Variants in NF1 observed in about 807,000 individuals in gnomAD.
The protein encoded by NF1 is neurofibromin.
Under a neutral mutation model 325.7 loss-of-function variants are expected in NF1, and 122 were observed. The ratio of observed to expected loss-of-function variants is 0.37; its 90% CI spans 0.32 to 0.44. NF1 has a LOEUF of 0.44. Among genes scored for constraint, NF1 ranks in the 20% least tolerant of loss-of-function variants. The probability of loss-of-function intolerance (pLI) is 1.00; values close to 1 mark genes in which losing one functional copy is unlikely to be tolerated. For missense variants in NF1, 2,140 were observed against 3,415.4 expected (o/e 0.63, Z 9.31); for synonymous variants, 1,091 against 1,186.0 (o/e 0.92, Z 1.65).
chr17:31,132,887 G>A (rs1464157450), intron 1 of NF1, among the ~76,000 whole-genome samples: 3 of 151,986 alleles, frequency 2.0e-5, no homozygotes, highest in Non-Finnish European at 4.4e-5. Flanking sequence ...GGCTGGTCTC[G>A]AACTCCTGAC....
At chr17:31,172,424 T>C (rs1383885793) in intron 5 of NF1, among the ~76,000 whole-genome samples, 2 of 152,188 alleles carry the variant, frequency 1.3e-5, no homozygotes, top group African/African-American at 4.8e-5. Context: ...TCAATCGATA[T>C]GTGTATATCC....
intron 1 of NF1, chr17:31,095,585 T>G: frequency 3.1e-5 from 15 of 480,996 alleles, no homozygotes; most frequent in Non-Finnish European, 4.1e-5. Flanking sequence ...ACCCTTTCCC[T>G]CCTAAGTCGG....
At chr17:31,351,123 G>A (rs914461731) in intron 50 of NF1, among the ~76,000 whole-genome samples, 2 of 151,876 alleles carry the variant, frequency 1.3e-5, no homozygotes, top group African/African-American at 2.4e-5. Flanking sequence ...TTATAGAAAG[G>A]GTAAAATAGT....
chr17:31,327,404 G>A lies in NF1; in HGVS notation c.5269-95G>A. Reference sequence around the variant, plus strand: ...GGAACTCTTCCTTAAATGGCATAGTGTTTTGTTTGGTTGGTTGGTTTCTGG... The same window carrying A: ...GGAACTCTTCCTTAAATGGCATAGTATTTTGTTTGGTTGGTTGGTTTCTGG... On this transcript the variant is annotated intron_variant, in intron 37 of 57. Transcript: ENST00000358273. The A allele has an allele frequency of 4.7e-6, 4 of 856,292 alleles. No individual in the cohort carries two copies. The South Asian group carries it at 5.7e-5, about 12-fold the overall frequency. 53.0% of individuals were successfully genotyped at this position (856,292 alleles called of 1,614,324 possible). A position where few individuals can be genotyped will look rare whatever the true frequency, so the allele number is the denominator to read the frequency against.
chr17:31,352,283 C>T lies in NF1; in HGVS notation c.7484C>T (p.Ser2495Phe), dbSNP rs757245615. ...ACACTAAAGGAGACTCAGCCATGGT[C>T]CTCTCCCAAAGGTTCTGAAGGATAC... ...YRTLKETQPW[S>F]SPKGSEGYLA... The change falls in exon 51 of 58, where the codon TCC (serine) becomes TTC (phenylalanine). Residue 2495 changes from serine (S) to phenylalanine (F), a missense_variant. Around this residue, in one of 10 missense-constraint regions of NF1, gnomAD observed 522 missense variants for 749.0 expected, o/e 0.70. Coordinates refer to ENST00000358273, the MANE Select transcript of NF1 (RefSeq NM_001042492.3). The T allele has an allele frequency of 8.7e-6, 14 of 1,614,018 alleles. No homozygotes were observed. The highest frequency in any genetic ancestry group is 3.3e-4 in the Middle Eastern group (2 of 6,062).
Position 31,376,121 on chromosome 17 carries a change from C to T in NF1, c.*1966C>T. 4.3e-6 allele frequency: 1 copy of T among 232,960 alleles called. No homozygotes were observed. The highest frequency in any genetic ancestry group is 1.8e-4 in the South Asian group (1 of 5,520). 14.4% of individuals were successfully genotyped at this position (232,960 alleles called of 1,614,324 possible). On this transcript the variant is annotated 3_prime_UTR_variant, in exon 58 of 58. Transcript: ENST00000358273. The stretch of plus-strand genomic sequence containing the variant: ...ACCCAGTGCCAAGGATGCCAAGCTG[C>T]CACCATGGTCTTGGCTCTCCCACAA...
intron 5 of NF1, among the ~76,000 whole-genome samples, chr17:31,179,154 A>T (rs2066079414): frequency 6.6e-6 from 1 of 152,178 alleles, no homozygotes; most frequent in African/African-American, 2.4e-5. Context: ...TGGAAATCAT[A>T]ACAAAGACTC....
chr17:31,175,688 CCCGACAGGCA>C (rs2066010219), intron 5 of NF1, among the ~76,000 whole-genome samples: 1 of 152,050 alleles, frequency 6.6e-6, no homozygotes, highest in Non-Finnish European at 1.5e-5. Flanking sequence ...GCCCCCACCC[CCCGACAGGCA>C]CCGATGCGTG....
intron 13 of NF1, among the ~76,000 whole-genome samples, chr17:31,215,716 T>C (rs1452256116): frequency 1.3e-5 from 2 of 152,252 alleles, no homozygotes; most frequent in African/African-American, 4.8e-5. Flanking sequence ...TTGTTGAGCT[T>C]CTTCAGTCCC....
intron 36 of NF1, chr17:31,296,210 C>G: frequency 6.2e-7 from 1 of 1,614,082 alleles, no homozygotes. Flanking sequence ...TCTGCCTGAA[C>G]AGTCCACATG....
At chr17:31,330,261 C>A (rs201752443) in intron 38 of NF1, 35 bp from the exon 39 acceptor site, 1 of 1,597,152 alleles carries the variant, frequency 6.3e-7, no homozygotes. Flanking sequence ...AGGAAAAATA[C>A]GTTTTAAAAC....
At chr17:31,216,696 A>T (rs1486376118) in intron 13 of NF1, among the ~76,000 whole-genome samples, 1 of 152,098 alleles carries the variant, frequency 6.6e-6, no homozygotes, top group Non-Finnish European at 1.5e-5. Context: ...GCTCTTGCTT[A>T]TGAAGACCAA....
intron 39 of NF1, among the ~76,000 whole-genome samples, chr17:31,333,252 A>G (rs548353601): frequency 2.6e-5 from 4 of 152,240 alleles, no homozygotes; most frequent in Non-Finnish European, 2.9e-5. Flanking sequence ...AAGACTATTC[A>G]TACCTTTTGG....
intron 8 of NF1, among the ~76,000 whole-genome samples, chr17:31,193,398 C>T (rs2066381056): frequency 1.3e-5 from 2 of 152,144 alleles, no homozygotes; most frequent in African/African-American, 4.8e-5. Context: ...TCTCAAACTT[C>T]TGGGCTTATG....
chr17:31,262,383 G>A (rs933728270), intron 35 of NF1, among the ~76,000 whole-genome samples: 17 of 152,272 alleles, frequency 1.1e-4, no homozygotes, highest in African/African-American at 3.6e-4. Flanking sequence ...CATTTAGTGG[G>A]ATTTAGTTTG....
Position 31,344,268 on chromosome 17 carries a change from C to T in NF1, c.7189+1133C>T, listed in dbSNP as rs1355729699. 3.3e-5 allele frequency among the ~76,000 whole-genome samples: 5 copies of T among 152,302 alleles called. No individual in the cohort carries two copies. In the South Asian group the frequency reaches 6.2e-4, roughly 19 times the overall value. On this transcript the variant is annotated intron_variant, in intron 48 of 57. Transcript: ENST00000358273. ...TAGCCAGTGATCTCCAGCTATTCCT[C>T]AGAGCCCGCTCATTCACTTCCTAAC... is the stretch of plus-strand genomic sequence containing the variant.
intron 36 of NF1, among the ~76,000 whole-genome samples, chr17:31,271,817 TCTATCCC>T (rs748079285): frequency 4.0e-5 from 6 of 150,332 alleles, no homozygotes; most frequent in African/African-American, 7.4e-5. Context: ...ACCCCCATCC[TCTATCCC>T]CTATCCCCTA....
At chr17:31,113,823 C>T (rs970775485) in intron 1 of NF1, among the ~76,000 whole-genome samples, 6 of 152,182 alleles carry the variant, frequency 3.9e-5, no homozygotes, top group Admixed American at 2.0e-4. Context: ...ATTTCATCTT[C>T]TTTACAAGAA....
At chr17:31,327,898 C>A (rs1279890437) in intron 38 of NF1, 59 bp downstream of exon 38, 3 of 1,478,818 alleles carry the variant, frequency 2.0e-6, no homozygotes, top group African/African-American at 2.8e-5. Flanking sequence ...TAAAATGAGA[C>A]CATTTAATGA....
Sources: gnomAD v4.1 joint callset for allele counts (sites outside exome capture counted in the v4.1 genomes callset) on GRCh38, gnomAD v4.1.1 for gene constraint, gnomAD v4.1.1 regional missense constraint, MANE v1.5 for transcripts, NCBI Gene and HGNC (gene_info 2026-07-23, HGNC 2026-07-21) for gene names.